Variants in SBF1 observed in about 807,000 individuals in gnomAD.
SBF1 encodes myotubularin-related protein 5.
In SBF1, 65 loss-of-function variants were observed where a neutral mutation model predicts 215.8. The ratio of observed to expected loss-of-function variants is 0.30; its 90% CI spans 0.25 to 0.37. The LOEUF is 0.37. SBF1 is among the 10% of genes least tolerant of loss of function. SBF1 has a pLI of 1.00. For synonymous variants in SBF1, 1,410 were observed against 1,122.8 expected, an observed-to-expected ratio of 1.26 and a Z score of -5.11; for missense variants, 2,634 against 2,667.8, an observed-to-expected ratio of 0.99 and a Z score of 0.28.
At position 50,460,333 on chromosome 22, in the gene SBF1, G is replaced by T; in HGVS notation, c.3222C>A (p.Asn1074Lys). ...GGCCCCGGTGCTCCCAGCTGGGGGG[G>T]TTGTACTTCTTGCGAGTGACATGCT... ...GRQHVTRKKY[N>K]PPSWEHRGQP... Residue 1074 changes from asparagine to lysine, a missense_variant, in exon 25 of 41, where the codon AAC (asparagine) becomes AAA (lysine). Transcript: ENST00000380817. The T allele has an allele frequency of 6.2e-7, 1 of 1,613,592 alleles. No homozygotes were observed. The highest frequency in any genetic ancestry group is 1.1e-5 in the South Asian group (1 of 91,006).
chr22:50,465,751 A>T lies in SBF1; in HGVS notation c.1089+12T>A, dbSNP rs1444862969. 2.5e-6 allele frequency: 4 copies of T among 1,589,894 alleles called. No homozygotes were observed. The Admixed American group carries it at 7.1e-5, about 28-fold the overall frequency. ...CCTGGGGTCCCCATGCAGGAGCAGC[A>T]ACGACCCCCACCTGCATCTTCAGGG... is the stretch of plus-strand genomic sequence containing the variant. On this transcript the variant is annotated intron_variant, in intron 10 of 40. Transcript: ENST00000380817.
chr22:50,474,681 AGCCCTCGGCCCCCAGCCCCCG>A (rs1415883824), intron 1 of SBF1, 84 bp downstream of exon 1: 5 of 458,036 alleles, frequency 1.1e-5, no homozygotes, highest in Non-Finnish European at 1.5e-5. Flanking sequence ...CCCAGCCCCC[AGCCCTCGGCCCCCAGCCCCCG>A]GCCCTCGACC....
chr22:50,470,259 G>C (rs1207912010), intron 1 of SBF1, among the ~76,000 whole-genome samples: 1 of 152,176 alleles, frequency 6.6e-6, no homozygotes, highest in Non-Finnish European at 1.5e-5. Flanking sequence ...AGGAAGAGGG[G>C]TTTATGAACA....
Position 50,461,156 on chromosome 22 carries a change from C to T in SBF1, c.2967+3G>A. On this transcript the variant is annotated splice_donor_region_variant and intron_variant, in intron 23 of 40. Coordinates refer to ENST00000380817, the MANE Select transcript of SBF1 (RefSeq NM_002972.4). ...AGAGCCCCACCCGCGCACCGCGCCC[C>T]ACCTGGAATGTGCAGGAGCGCAGCT... The T allele has an allele frequency of 6.3e-7, 1 of 1,595,420 alleles. No homozygotes were observed. The highest frequency in any genetic ancestry group is 8.6e-7 in the Non-Finnish European group (1 of 1,168,682).
chr22:50,470,434 G>T (rs1368571052), intron 1 of SBF1, among the ~76,000 whole-genome samples: 6 of 152,056 alleles, frequency 3.9e-5, no homozygotes, highest in African/African-American at 1.2e-4. Context: ...CCTCTGCAGG[G>T]CTCTACCCTC....
rs753382380 is a variant in SBF1 at position 50,448,527 on chromosome 22, A to G, written c.5151+16T>C. On this transcript the variant is annotated intron_variant, in intron 37 of 40. Coordinates refer to ENST00000380817, the MANE Select transcript of SBF1 (RefSeq NM_002972.4). ...CAACACGCCCACCGTGGACGCTCAC[A>G]CTGGCCCTCACTCACACGGCCGTCT... The G allele has an allele frequency of 6.2e-7, 1 of 1,611,064 alleles. No individual in the cohort carries two copies. The highest frequency in any genetic ancestry group is 8.5e-7 in the Non-Finnish European group (1 of 1,178,464).
Position 50,467,785 on chromosome 22 carries a change from C to T in SBF1, c.279+1G>A, listed in dbSNP as rs1439326869. On this transcript the variant is annotated splice_donor_variant, in intron 3 of 40. Coordinates refer to ENST00000380817, the MANE Select transcript of SBF1 (RefSeq NM_002972.4). LOFTEE classifies it high-confidence loss of function. ...GCTGTACCCAGAGGCCCCAAGCTGACCTGTGAAGGCTCCGCTGGCTCCCAG... is the reference window on the plus strand; with the variant it reads ...GCTGTACCCAGAGGCCCCAAGCTGATCTGTGAAGGCTCCGCTGGCTCCCAG... 1 of 1,613,748 alleles carries T rather than the reference C, an allele frequency of 6.2e-7. No individual in the cohort carries two copies. Among genetic ancestry groups the T allele is most frequent in the Non-Finnish European group, 8.5e-7 (1 of 1,179,962 alleles).
In SBF1 at chr22:50,460,564, C is replaced by T. The variant is rs949823178; in HGVS notation, c.3116G>A (p.Arg1039Gln). Reference sequence around the variant, plus strand: ...GGAAGGACCCTTGTCCTTGGTGACTCGCGGTGGCCGGCCAGGTGTGTGGGC... The same window carrying T: ...GGAAGGACCCTTGTCCTTGGTGACTTGCGGTGGCCGGCCAGGTGTGTGGGC... ...GSAHTPGRPP[R>Q]VTKDKGPSLR... Residue 1039 changes from arginine to glutamine, a missense_variant, in exon 24 of 41, where the codon CGA becomes CAA. Transcript: ENST00000380817. The T allele has an allele frequency of 5.6e-6, 9 of 1,613,968 alleles. No individual in the cohort carries two copies. Among genetic ancestry groups the T allele is most frequent in the South Asian group, 1.1e-5 (1 of 91,082 alleles).
Position 50,445,836 on chromosome 22 carries a change from GC to G in SBF1, c.*1305del, listed in dbSNP as rs1217954895. ...AACGTCCCACCAGGGGAGGGTCTTG[GC>G]CCCCCACCTGCCAGCACTGGGCCCT... On this transcript the variant is annotated 3_prime_UTR_variant, in exon 41 of 41. Transcript: ENST00000380817. The G allele has an allele frequency of 6.6e-6, 1 of 152,670 alleles. No individual in the cohort carries two copies. Among genetic ancestry groups the G allele is most frequent in the Non-Finnish European group, 1.5e-5 (1 of 68,408 alleles). The allele number at this position is 152,670 out of a possible 1,614,324, so 9.5% of individuals were successfully genotyped here.
Position 50,459,331 on chromosome 22 carries a change from G to A in SBF1, c.3750C>T (p.Ser1250=). 6.2e-7 allele frequency: 1 copy of A among 1,612,900 alleles called. No individual in the cohort carries two copies. The highest frequency in any genetic ancestry group is 8.5e-7 in the Non-Finnish European group (1 of 1,179,654). The change falls in exon 28 of 41, where the codon AGC becomes AGT. Residue 1250 remains serine (S), a synonymous_variant. Transcript: ENST00000380817. ...EQEKYLQAVV[S]SMPRYADASG... is the part of the protein sequence containing the mutation. The stretch of plus-strand genomic sequence containing the variant: ...ACGCGTCGGCGTAGCGGGGCATGGA[G>A]CTGACCACAGCCTGCAGGTACTTCT...
rs758845235 is a variant in SBF1, at chr22:50,462,606, T to C, written c.2080A>G (p.Ile694Val). 2.5e-6 allele frequency: 4 copies of C among 1,612,582 alleles called. No individual in the cohort carries two copies. The highest frequency in any genetic ancestry group is 2.5e-6 in the Non-Finnish European group (3 of 1,179,750). ...AMFYGDVQTHIRALYLEPTED... is the reference protein window; with the variant it reads ...AMFYGDVQTHVRALYLEPTED... ...GTGGGCTCCAGGTAGAGGGCCCGGA[T>C]GTGAGTCTGCACATCCCCATAGAAC... Residue 694 changes from isoleucine (I) to valine (V), a missense_variant, in exon 18 of 41, where the codon ATC becomes GTC. Coordinates refer to ENST00000380817, the MANE Select transcript of SBF1 (RefSeq NM_002972.4).
At position 50,462,302 on chromosome 22, in the gene SBF1, G is replaced by T; in HGVS notation, c.2299C>A (p.Leu767Ile). 1 of 1,613,766 alleles carries T rather than the reference G, an allele frequency of 6.2e-7. No individual in the cohort carries two copies. Among genetic ancestry groups the T allele is most frequent in the East Asian group, 2.2e-5 (1 of 44,890 alleles). Reference sequence around the variant, plus strand: ...TTGCTGCTGTCCAGGGGCAGGAGGAGGTAGCTCATGCGGTTGGCATAGTGG... The same window carrying T: ...TTGCTGCTGTCCAGGGGCAGGAGGATGTAGCTCATGCGGTTGGCATAGTGG... ...AIHYANRMSY[L>I]LLPLDSSKSR... Residue 767 changes from leucine (L) to isoleucine (I), a missense_variant, in exon 19 of 41, where the codon CTC becomes ATC. Leu to Ile is a conservative substitution (Grantham distance 5). Transcript: ENST00000380817.
Position 50,465,815 on chromosome 22 carries a change from G to C in SBF1, c.1037C>G (p.Ala346Gly). The C allele has an allele frequency of 6.2e-7, 1 of 1,612,146 alleles. No homozygotes were observed. Among genetic ancestry groups the C allele is most frequent in the Non-Finnish European group, 8.5e-7 (1 of 1,179,532 alleles). The change falls in exon 10 of 41, where the codon GCT becomes GGT. Residue 346 changes from alanine (A) to glycine (G), a missense_variant. Transcript: ENST00000380817. ...CGTGGGCGGAGGGAAGGCGAGGTCA[G>C]CCAACTCCAGCTCCGGGTCCAGGAC... is the stretch of plus-strand genomic sequence containing the variant. ...SMVLDPELEL[A>G]DLAFPPPTTS...
rs2067176577 is a variant in SBF1 at position 50,454,666 on chromosome 22, G to A, written c.4889C>T (p.Pro1630Leu). The A allele has an allele frequency of 6.3e-6, 10 of 1,581,440 alleles. No homozygotes were observed. The highest frequency in any genetic ancestry group is 8.6e-6 in the Non-Finnish European group (10 of 1,164,334). Residue 1630 changes from proline to leucine, a missense_variant, in exon 36 of 41, where the codon CCT becomes CTT. Pro to Leu is a moderately conservative substitution (Grantham distance 98). Transcript: ENST00000380817. ...FYTEETLAEG[P>L]PYDWELAQGP... ...CTGGGCCAGTTCCCAGTCATAGGGA[G>A]GGCCCTCGGCCAGCGTCTCCTCAGT...
intron 29 of SBF1, 143 bp from the exon 30 acceptor site, chr22:50,456,816 A>G: frequency 1.3e-6 from 1 of 782,552 alleles, no homozygotes; most frequent in Non-Finnish European, 2.0e-6. Flanking sequence ...GTGCGAGAGG[A>G]GGGCTGGAAC....
At position 50,461,700 on chromosome 22, in the gene SBF1, G is replaced by A. The variant is rs770341256; in HGVS notation, c.2662C>T (p.Arg888Cys). The A allele has an allele frequency of 1.1e-5, 17 of 1,609,406 alleles. No individual in the cohort carries two copies. Among genetic ancestry groups the A allele is most frequent in the African/African-American group, 5.3e-5 (4 of 74,898 alleles). Residue 888 changes from arginine to cysteine, a missense_variant, in exon 22 of 41, where the codon CGC becomes TGC. Physicochemically the swap from Arg to Cys is radical, Grantham distance 180. Coordinates refer to ENST00000380817, the MANE Select transcript of SBF1 (RefSeq NM_002972.4). ...PIQKPKLLRP[R>C]LLPGEECVLD... ...ACACACTCCTCACCCGGCAGCAGGCGCGGCCGCAGCAGCTTGGGCTGCTCG... is the reference window on the plus strand; with the variant it reads ...ACACACTCCTCACCCGGCAGCAGGCACGGCCGCAGCAGCTTGGGCTGCTCG...
chr22:50,456,655 C>A lies in SBF1; in HGVS notation c.3923G>T (p.Arg1308Leu). The part of the protein sequence containing the change: ...TAPRGKWGSV[R>L]TSGRSSGLGT... ...AAGGCCACTGCTGCGTCCACTGGTC[C>A]GGACACTGCCCCACTTACCTGTGAA... Residue 1308 changes from arginine (R) to leucine (L), a missense_variant, in exon 30 of 41, where the codon CGG (arginine) becomes CTG (leucine). Arg to Leu is a moderately radical substitution (Grantham distance 102). Transcript: ENST00000380817. 6.7e-7 allele frequency: 1 copy of A among 1,488,942 alleles called. No homozygotes were observed. Among genetic ancestry groups the A allele is most frequent in the East Asian group, 2.4e-5 (1 of 41,956 alleles). The allele number at this position is 1,488,942 out of a possible 1,614,324, so 92.2% of individuals were successfully genotyped here. A position where few individuals can be genotyped will look rare whatever the true frequency, so the allele number is the denominator to read the frequency against.
At position 50,460,585 on chromosome 22, in the gene SBF1, T is replaced by C. The variant is rs771969952; in HGVS notation, c.3095A>G (p.His1032Arg). 2 of 1,613,918 alleles carry C rather than the reference T, an allele frequency of 1.2e-6. No individual in the cohort carries two copies. Among genetic ancestry groups the C allele is most frequent in the Non-Finnish European group, 1.7e-6 (2 of 1,180,026 alleles). ...GACTCGCGGTGGCCGGCCAGGTGTG[T>C]GGGCAGAGCCCAAGGTGAACGCAAA... Reference protein sequence around the residue: ...ATFAFTLGSAHTPGRPPRVTK... With the variant: ...ATFAFTLGSARTPGRPPRVTK... The change falls in exon 24 of 41, where the codon CAC (histidine) becomes CGC (arginine). Residue 1032 changes from histidine (H) to arginine (R), a missense_variant. His to Arg is a conservative substitution (Grantham distance 29). Transcript: ENST00000380817.
chr22:50,463,127 T>C (rs2067592493), intron 16 of SBF1, among the ~76,000 whole-genome samples, 156 bp downstream of exon 16: 3 of 152,124 alleles, frequency 2.0e-5, no homozygotes, highest in Non-Finnish European at 4.4e-5. Context: ...CAACAATGGT[T>C]CTCTCCACCC....
Sources: gnomAD v4.1 joint callset for allele counts (sites outside exome capture counted in the v4.1 genomes callset) on GRCh38, gnomAD v4.1.1 for gene constraint, MANE v1.5 for transcripts, NCBI Gene and HGNC (gene_info 2026-07-23, HGNC 2026-07-21) for gene names.